PLEKHG7: variants seen among roughly 807,000 people sequenced by gnomAD.
PLEKHG7 encodes the protein pleckstrin homology domain-containing family G member 7.
In PLEKHG7, 77 loss-of-function variants were observed where a neutral mutation model predicts 85.2. That is an observed-to-expected ratio of 0.90 (90% confidence interval 0.75 to 1.09). The LOEUF is 1.09. PLEKHG7 is among the 50% of genes least tolerant of loss of function. The pLI is 0.00. For synonymous variants in PLEKHG7, 301 were observed against 302.4 expected, an observed-to-expected ratio of 1.00 and a Z score of 0.05; for missense variants, 777 against 804.3, an observed-to-expected ratio of 0.97 and a Z score of 0.41.
intron 3 of PLEKHG7, among the ~76,000 whole-genome samples, chr12:92,723,008 TGGA>T (rs145767172): frequency 0.061 from 9,285 of 152,210 alleles, 381 homozygotes; most frequent in South Asian, 0.14. Flanking sequence ...AAAAGATTTA[TGGA>T]GGAGGAGTGT....
At chr12:92,727,716 G>A (rs1871855102) in intron 3 of PLEKHG7, among the ~76,000 whole-genome samples, 1 of 151,934 alleles carries the variant, frequency 6.6e-6, no homozygotes, top group Non-Finnish European at 1.5e-5. Flanking sequence ...AGCCTCCCAA[G>A]TGGATGGGAT....
intron 5 of PLEKHG7, among the ~76,000 whole-genome samples, chr12:92,735,753 T>C (rs1252709276): frequency 2.6e-5 from 4 of 152,196 alleles, no homozygotes; most frequent in Admixed American, 6.5e-5. Flanking sequence ...TGTGTAAATA[T>C]GGTACATTAT....
Position 92,761,493 on chromosome 12 carries a change from C to T in PLEKHG7, c.1637-259C>T, listed in dbSNP as rs141252004. Among the ~76,000 whole-genome samples the T allele has an allele frequency of 5.0e-4, 75 of 148,916 alleles. No homozygotes were observed. The Middle Eastern group carries it at 0.01, about 20-fold the overall frequency. ...TACATGATTGGAGCCCCTGGGGTGC[C>T]GTAATACTCACCCAGTTTTGTTTTC... On this transcript the variant is annotated intron_variant, in intron 13 of 16. Coordinates refer to ENST00000344636, the MANE Select transcript of PLEKHG7 (RefSeq NM_001377329.1).
intron 16 of PLEKHG7, among the ~76,000 whole-genome samples, 172 bp from the exon 17 acceptor site, chr12:92,769,916 T>G (rs181089702): frequency 1.8e-4 from 28 of 152,344 alleles, no homozygotes; most frequent in Admixed American, 7.2e-4. Context: ...ATTAGAAGTA[T>G]TTATATTAGA....
chr12:92,732,238 A>T lies in PLEKHG7; in HGVS notation c.664A>T (p.Lys222Ter). ...HPLLLLNSES[K>*]KPRWPFSKRG... The stretch of plus-strand genomic sequence containing the variant: ...TTGTCTTTAATTTCACCCAGAATCC[A>T]AAAAGCCAAGATGGCCTTTCTCCAA... The change falls in exon 5 of 17, where the codon AAA becomes TAA. Residue 222 changes from lysine to a stop codon, truncating the protein, a stop_gained. Transcript: ENST00000344636. LOFTEE classifies it high-confidence loss of function. The T allele has an allele frequency of 8.1e-7, 1 of 1,231,016 alleles. No homozygotes were observed. Among genetic ancestry groups the T allele is most frequent in the Non-Finnish European group, 1.0e-6 (1 of 987,016 alleles). The allele number at this position is 1,231,016 out of a possible 1,614,324, so 76.3% of individuals were successfully genotyped here. A position where few individuals can be genotyped will look rare whatever the true frequency, so the allele number is the denominator to read the frequency against.
At chr12:92,707,274 A>C in intron 2 of PLEKHG7, 136 bp downstream of exon 2, 1 of 1,439,614 alleles carries the variant, frequency 6.9e-7, no homozygotes. Context: ...GAGGGGACAC[A>C]TTCTCTTTAG....
Position 92,707,121 on chromosome 12 carries a change from C to G in PLEKHG7, c.490C>G (p.Arg164Gly), listed in dbSNP as rs201155110. Reference protein sequence around the residue: ...EGHFLPSPTLRHPSPQGEELH... With the variant: ...EGHFLPSPTLGHPSPQGEELH... Reference sequence around the variant, plus strand: ...CCACTTCCTGCCCAGCCCCACCCTACGACACCCTAGTCCTCAGGTAACACA... The same window carrying G: ...CCACTTCCTGCCCAGCCCCACCCTAGGACACCCTAGTCCTCAGGTAACACA... Residue 164 changes from arginine to glycine, a missense_variant, in exon 2 of 17, where the codon CGA becomes GGA. Arg to Gly is a moderately radical substitution (Grantham distance 125). Transcript: ENST00000344636. 1 of 1,613,198 alleles carries G rather than the reference C, an allele frequency of 6.2e-7. No homozygotes were observed. Among genetic ancestry groups the G allele is most frequent in the African/African-American group, 1.3e-5 (1 of 74,926 alleles).
At chr12:92,757,417 G>A (rs1042776704) in intron 13 of PLEKHG7, among the ~76,000 whole-genome samples, 12 of 152,134 alleles carry the variant, frequency 7.9e-5, no homozygotes, top group African/African-American at 2.9e-4. Context: ...GCCTAACAGT[G>A]GTGATGTGAT....
At chr12:92,716,007 T>C (rs1440013373) in intron 3 of PLEKHG7, among the ~76,000 whole-genome samples, 1 of 152,208 alleles carries the variant, frequency 6.6e-6, no homozygotes, top group Non-Finnish European at 1.5e-5. Context: ...CACAGCAAAA[T>C]TTTTTGTCTT....
intron 9 of PLEKHG7, among the ~76,000 whole-genome samples, chr12:92,744,256 TTATTA>T (rs1872454196): frequency 6.6e-6 from 1 of 152,174 alleles, no homozygotes; most frequent in Admixed American, 6.5e-5. Flanking sequence ...AGCCCATGAG[TTATTA>T]TATTAATCAA....
chr12:92,705,890 A>G (rs1405406629), intron 1 of PLEKHG7, among the ~76,000 whole-genome samples: 4 of 152,246 alleles, frequency 2.6e-5, no homozygotes, highest in African/African-American at 9.6e-5. Context: ...CATGAACAGT[A>G]GGGTACCTGG....
chr12:92,734,201 C>T (rs1872072074), intron 5 of PLEKHG7, among the ~76,000 whole-genome samples: 1 of 152,172 alleles, frequency 6.6e-6, no homozygotes, highest in Non-Finnish European at 1.5e-5. Context: ...TGGTAATCCA[C>T]ATCAATATAA....
At chr12:92,761,620 AAAGAAGAAAG>A (rs1565797440) in intron 13 of PLEKHG7, 122 bp from the exon 14 acceptor site, 11 of 1,039,166 alleles carry the variant, frequency 1.1e-5, no homozygotes, top group African/African-American at 5.9e-5. Context: ...AGAAAGAAAG[AAAGAAGAAAG>A]AAAGAAAGAA....
At chr12:92,710,836 G>A (rs1436414397) in intron 3 of PLEKHG7, among the ~76,000 whole-genome samples, 2 of 152,190 alleles carry the variant, frequency 1.3e-5, no homozygotes, top group Non-Finnish European at 2.9e-5. Context: ...GGCAGCTGGG[G>A]AAAGAGGCTG....
At chr12:92,761,676 A>AAGAAAGAAAG in intron 13 of PLEKHG7, 76 bp from the exon 14 acceptor site, 1 of 1,279,092 alleles carries the variant, frequency 7.8e-7, no homozygotes, top group Non-Finnish European at 1.0e-6. Context: ...GAAAGAAAGA[A>AAGAAAGAAAG]AGAAAGAAAG....
chr12:92,761,869 GT>G, intron 14 of PLEKHG7, 38 bp downstream of exon 14: 1 of 1,521,684 alleles, frequency 6.6e-7, no homozygotes, highest in Non-Finnish European at 8.7e-7. Context: ...TTCTAAACAA[GT>G]TTGCTAAATG....
intron 10 of PLEKHG7, among the ~76,000 whole-genome samples, chr12:92,746,067 T>C (rs1452865433): frequency 1.3e-5 from 2 of 152,226 alleles, no homozygotes; most frequent in African/African-American, 4.8e-5. Context: ...TGTGCCAATA[T>C]GGCAGCTCTG....
chr12:92,730,743 G>A (rs1871966948), intron 4 of PLEKHG7, among the ~76,000 whole-genome samples: 1 of 152,206 alleles, frequency 6.6e-6, no homozygotes, highest in Admixed American at 6.5e-5. Context: ...AACAAGTTCT[G>A]CAGGTGATTT....
At chr12:92,717,734 C>G (rs1461159886) in intron 3 of PLEKHG7, among the ~76,000 whole-genome samples, 1 of 152,172 alleles carries the variant, frequency 6.6e-6, no homozygotes, top group African/African-American at 2.4e-5. Context: ...CACCTTACAG[C>G]CTAGGTGTGT....
Sources: gnomAD v4.1 joint callset for allele counts (sites outside exome capture counted in the v4.1 genomes callset) on GRCh38, gnomAD v4.1.1 for gene constraint, MANE v1.5 for transcripts, NCBI Gene and HGNC (gene_info 2026-07-23, HGNC 2026-07-21) for gene names.